Variants in KATNIP observed in about 807,000 individuals in gnomAD.
The protein encoded by KATNIP is katanin-interacting protein.
In KATNIP, 126 loss-of-function variants were observed where a neutral mutation model predicts 174.0. That is an observed-to-expected ratio of 0.72 (90% CI 0.63 to 0.84). KATNIP has a LOEUF of 0.84. Among genes scored for constraint, KATNIP ranks in the 40% least tolerant of loss-of-function variants. KATNIP has a pLI of 0.00. For synonymous variants in KATNIP, 810 were observed against 835.7 expected, an observed-to-expected ratio of 0.97 and a Z score of 0.53; for missense variants, 1,958 against 2,109.7, an observed-to-expected ratio of 0.93 and a Z score of 1.41.
intron 1 of KATNIP, among the ~76,000 whole-genome samples, chr16:27,557,084 C>A (rs2089658387): frequency 1.3e-5 from 2 of 151,812 alleles, no homozygotes; most frequent in Non-Finnish European, 2.9e-5. Context: ...AGATTGAATC[C>A]AGGTGAAGGC....
chr16:27,729,840 A>C (rs1390415296), intron 14 of KATNIP, among the ~76,000 whole-genome samples: 1 of 151,968 alleles, frequency 6.6e-6, no homozygotes, highest in Non-Finnish European at 1.5e-5. Flanking sequence ...TACCAGTTCT[A>C]TTTCCAAAAC....
At chr16:27,716,907 C>T (rs376936781) in intron 13 of KATNIP, among the ~76,000 whole-genome samples, 3 of 151,860 alleles carry the variant, frequency 2.0e-5, no homozygotes, top group Non-Finnish European at 2.9e-5. Flanking sequence ...TGCGGTGGGG[C>T]GATCTCGGCT....
At chr16:27,595,456 G>A (rs2075306958) in intron 2 of KATNIP, among the ~76,000 whole-genome samples, 1 of 152,176 alleles carries the variant, frequency 6.6e-6, no homozygotes, top group Non-Finnish European at 1.5e-5. Flanking sequence ...TGGGGGACCA[G>A]CAAGTTGTTC....
At chr16:27,775,957 C>T (rs989711164) in intron 24 of KATNIP, among the ~76,000 whole-genome samples, 1 of 152,238 alleles carries the variant, frequency 6.6e-6, no homozygotes, top group Non-Finnish European at 1.5e-5. Flanking sequence ...GAGGGGGCAA[C>T]AGAGCTCTGT....
intron 14 of KATNIP, among the ~76,000 whole-genome samples, chr16:27,737,829 G>A (rs963473212): frequency 6.6e-6 from 1 of 152,240 alleles, no homozygotes; most frequent in South Asian, 2.1e-4. Context: ...TTAGGAACCA[G>A]ACACTTCTGA....
rs187896544 is a variant in KATNIP at position 27,632,211 on chromosome 16, T to G, written c.408+1049T>G. 2.0e-5 allele frequency among the ~76,000 whole-genome samples: 3 copies of G among 152,314 alleles called. No homozygotes were observed. The East Asian group carries it at 5.8e-4, about 29-fold the overall frequency. On this transcript the variant is annotated intron_variant, in intron 5 of 27. Coordinates refer to ENST00000261588, the MANE Select transcript of KATNIP (RefSeq NM_015202.5). ...CCCGTCAAATGAAGAATGACGAGGT[T>G]CACACACTTGGAAAGGAAAGCTTTA...
intron 2 of KATNIP, among the ~76,000 whole-genome samples, chr16:27,579,575 C>T (rs564106086): frequency 2.8e-4 from 42 of 152,160 alleles, no homozygotes; most frequent in Non-Finnish European, 4.1e-4. Flanking sequence ...AGGGGCCTCC[C>T]TCACTCCAGC....
rs376191564 is a variant in KATNIP at position 27,749,760 on chromosome 16, C to T, written c.2800C>T (p.Arg934Trp). ...TGAGCTCCTGCAGCAAAAGAGCAGC[C>T]GGCACAGCGACTTGCCCCCCTCCAA... ...LDELLQQKSS[R>W]HSDLPPSKKG... is the part of the protein sequence containing the mutation. The change falls in exon 16 of 28, where the codon CGG becomes TGG. Residue 934 changes from arginine to tryptophan, a missense_variant. This residue lies in a region of KATNIP where 1,557 missense variants were observed against 1,617.8 expected (regional missense o/e 0.96). Coordinates refer to ENST00000261588, the MANE Select transcript of KATNIP (RefSeq NM_015202.5). 58 of 1,610,634 alleles carry T rather than the reference C, an allele frequency of 3.6e-5. No homozygotes were observed. The highest frequency in any genetic ancestry group is 4.0e-5 in the African/African-American group (3 of 74,864).
chr16:27,750,545 G>A (rs1308887572), intron 16 of KATNIP, among the ~76,000 whole-genome samples: 1 of 149,802 alleles, frequency 6.7e-6, no homozygotes, highest in Non-Finnish European at 1.5e-5. Flanking sequence ...TCAGCCTCAC[G>A]AGTAGCTGGG....
chr16:27,647,824 T>A (rs982939573), intron 5 of KATNIP, among the ~76,000 whole-genome samples: 2 of 152,028 alleles, frequency 1.3e-5, no homozygotes, highest in Admixed American at 1.3e-4. Context: ...ATTTTTTAAA[T>A]TTTTTTGTAG....
chr16:27,669,955 C>T (rs938383529), intron 6 of KATNIP, among the ~76,000 whole-genome samples: 1 of 151,730 alleles, frequency 6.6e-6, no homozygotes, highest in African/African-American at 2.4e-5. Flanking sequence ...CCCAAAGTGC[C>T]GAGATTACAG....
At chr16:27,766,173 C>G in intron 19 of KATNIP, 136 bp from the exon 20 acceptor site, 1 of 798,296 alleles carries the variant, frequency 1.3e-6, no homozygotes, top group South Asian at 1.8e-5. Context: ...TCACACCTCC[C>G]CTTAACAAGC....
At chr16:27,661,368 C>T (rs2077467682) in intron 6 of KATNIP, among the ~76,000 whole-genome samples, 1 of 151,860 alleles carries the variant, frequency 6.6e-6, no homozygotes, top group South Asian at 2.1e-4. Flanking sequence ...TTAAGAGAAG[C>T]CAGGTATCTG....
chr16:27,620,526 G>C (rs2076162503), intron 3 of KATNIP, among the ~76,000 whole-genome samples: 2 of 152,130 alleles, frequency 1.3e-5, no homozygotes, highest in Non-Finnish European at 2.9e-5. Context: ...CGTTTTGCTT[G>C]ATGTTGTCAT....
intron 2 of KATNIP, among the ~76,000 whole-genome samples, chr16:27,594,973 A>C (rs2075292117): frequency 6.6e-6 from 1 of 152,176 alleles, no homozygotes; most frequent in Admixed American, 6.5e-5. Flanking sequence ...CCAGAGGAGG[A>C]AGTCTTTACT....
chr16:27,596,936 T>C (rs1340308701), intron 2 of KATNIP, among the ~76,000 whole-genome samples: 1 of 152,048 alleles, frequency 6.6e-6, no homozygotes, highest in East Asian at 1.9e-4. Context: ...GGCAGGAGAA[T>C]CACTTGAACC....
intron 19 of KATNIP, among the ~76,000 whole-genome samples, chr16:27,765,063 G>T (rs1449144295): frequency 6.6e-6 from 1 of 152,166 alleles, no homozygotes; most frequent in African/African-American, 2.4e-5. Context: ...GTGGCAGCAG[G>T]CCAAGTTTCT....
chr16:27,688,586 G>A (rs1049692891), intron 8 of KATNIP, among the ~76,000 whole-genome samples: 8 of 152,180 alleles, frequency 5.3e-5, no homozygotes, highest in Non-Finnish European at 1.2e-4. Context: ...GTGAGACTCC[G>A]TCTCAATAAG....
At chr16:27,700,948 C>A (rs548862490) in intron 10 of KATNIP, among the ~76,000 whole-genome samples, 1 of 152,112 alleles carries the variant, frequency 6.6e-6, no homozygotes, top group Non-Finnish European at 1.5e-5. Flanking sequence ...TGACCTAATT[C>A]CTGACCCACA....
Sources: allele counts gnomAD v4.1 joint callset (sites outside exome capture counted in the v4.1 genomes callset), GRCh38; gene constraint gnomAD v4.1.1; regional missense constraint gnomAD v4.1.1; transcripts MANE v1.5; gene names NCBI Gene and HGNC (gene_info 2026-07-23, HGNC 2026-07-21).